Variants in OR5C1 observed in about 807,000 individuals in gnomAD.
OR5C1 encodes the protein olfactory receptor 5C1.
For missense variants in OR5C1, 433 were observed against 426.5 expected, an observed-to-expected ratio of 1.02 and a Z score of -0.13; for synonymous variants, 184 against 181.5, an observed-to-expected ratio of 1.01 and a Z score of -0.11.
In OR5C1 at chr9:122,789,381, G is replaced by A. The variant is rs1222266147; in HGVS notation, c.449G>A (p.Gly150Glu). 1.2e-6 allele frequency: 2 copies of A among 1,613,326 alleles called. No homozygotes were observed. The highest frequency in any genetic ancestry group is 1.7e-6 in the Non-Finnish European group (2 of 1,179,346). Residue 150 changes from glycine (G) to glutamate (E), a missense_variant, in exon 1 of 1, where the codon GGA (glycine) becomes GAA (glutamate). By Grantham distance (98) the Gly-to-Glu change is moderately conservative (BLOSUM62 -2). Transcript: ENST00000373680. ...CAGCGTCTATGCCTGGCCTTGCTGGGAGCATCAGGCCTGGGTGGGGCAGTG... is the reference window on the plus strand; with the variant it reads ...CAGCGTCTATGCCTGGCCTTGCTGGAAGCATCAGGCCTGGGTGGGGCAGTG... ...MSQRLCLALL[G>E]ASGLGGAVSA... is the part of the protein sequence containing the mutation.
At position 122,789,369 on chromosome 9, in the gene OR5C1, T is replaced by C. The variant is rs763329490; in HGVS notation, c.437T>C (p.Leu146Pro). ...YTTAMSQRLC[L>P]ALLGASGLGG... ...ACAGCTATGTCGCAGCGTCTATGCC[T>C]GGCCTTGCTGGGAGCATCAGGCCTG... is the stretch of plus-strand genomic sequence containing the variant. Residue 146 changes from leucine to proline, a missense_variant, in exon 1 of 1, where the codon CTG (leucine) becomes CCG (proline). By Grantham distance (98) the Leu-to-Pro change is moderately conservative (BLOSUM62 -3). Coordinates refer to ENST00000373680, the MANE Select transcript of OR5C1 (RefSeq NM_001001923.1). 1 of 1,613,372 alleles carries C rather than the reference T, an allele frequency of 6.2e-7. No individual in the cohort carries two copies. The highest frequency in any genetic ancestry group is 8.5e-7 in the Non-Finnish European group (1 of 1,179,384).
At position 122,789,322 on chromosome 9, in the gene OR5C1, C is replaced by T. The variant is rs766603877; in HGVS notation, c.390C>T (p.Ile130=). 2.5e-6 allele frequency: 4 copies of T among 1,613,994 alleles called. No homozygotes were observed. Among genetic ancestry groups the T allele is most frequent in the African/African-American group, 1.3e-5 (1 of 74,942 alleles). Residue 130 remains isoleucine (I), a synonymous_variant, in exon 1 of 1, where the codon ATC becomes ATT. Transcript: ENST00000373680. ...AAMAYDRYVA[I]RNPLLYTTAM... is the part of the protein sequence containing the mutation. ...TGGCCTATGACCGCTACGTGGCCAT[C>T]AGAAACCCACTTCTCTATACAACAG...
Position 122,789,320 on chromosome 9 carries a change from A to G in OR5C1, c.388A>G (p.Ile130Val). Residue 130 changes from isoleucine (I) to valine (V), a missense_variant, in exon 1 of 1, where the codon ATC becomes GTC. By Grantham distance (29) the Ile-to-Val change is conservative (BLOSUM62 3). Transcript: ENST00000373680. ...CATGGCCTATGACCGCTACGTGGCC[A>G]TCAGAAACCCACTTCTCTATACAAC... The part of the protein sequence containing the change: ...AAMAYDRYVA[I>V]RNPLLYTTAM... The G allele has an allele frequency of 6.2e-7, 1 of 1,614,134 alleles. No individual in the cohort carries two copies. The highest frequency in any genetic ancestry group is 8.5e-7 in the Non-Finnish European group (1 of 1,179,954).
Position 122,789,689 on chromosome 9 carries a change from G to A in OR5C1, c.757G>A (p.Ala253Thr). Residue 253 changes from alanine (A) to threonine (T), a missense_variant, in exon 1 of 1, where the codon GCC (alanine) becomes ACC (threonine). Physicochemically the swap from Ala to Thr is moderately conservative, Grantham distance 58. Transcript: ENST00000373680. ...CGGTGGTTCCCACCTCACAGCCGTG[G>A]CCATGATGTACGGGACACTCATTTT... ...STGGSHLTAV[A>T]MMYGTLIFMY... 1 of 1,606,270 alleles carries A rather than the reference G, an allele frequency of 6.2e-7. No individual in the cohort carries two copies.
At position 122,789,341 on chromosome 9, in the gene OR5C1, A is replaced by G. The variant is rs1427961004; in HGVS notation, c.409A>G (p.Thr137Ala). Residue 137 changes from threonine to alanine, a missense_variant, in exon 1 of 1, where the codon ACA becomes GCA. Coordinates refer to ENST00000373680, the MANE Select transcript of OR5C1 (RefSeq NM_001001923.1). ...YVAIRNPLLY[T>A]TAMSQRLCLA... ...GGCCATCAGAAACCCACTTCTCTATACAACAGCTATGTCGCAGCGTCTATG... is the reference window on the plus strand; with the variant it reads ...GGCCATCAGAAACCCACTTCTCTATGCAACAGCTATGTCGCAGCGTCTATG... The G allele has an allele frequency of 6.2e-7, 1 of 1,614,092 alleles. No homozygotes were observed. Among genetic ancestry groups the G allele is most frequent in the South Asian group, 1.1e-5 (1 of 91,080 alleles).
rs779093901 is a variant in OR5C1 at position 122,788,986 on chromosome 9, C to A, written c.54C>A (p.Leu18=). 6.2e-7 allele frequency: 1 copy of A among 1,608,670 alleles called. No homozygotes were observed. Among genetic ancestry groups the A allele is most frequent in the Non-Finnish European group, 8.5e-7 (1 of 1,177,188 alleles). Residue 18 remains leucine, a synonymous_variant, in exon 1 of 1, where the codon CTC becomes CTA. Transcript: ENST00000373680. ...CGGTTGCCCCTGCTGAATTCGTCCT[C>A]CTGGGCATCACAAATCGCTGGGACC... ...RAAVAPAEFV[L]LGITNRWDLR...
rs190265528 is a variant in OR5C1 at position 122,789,119 on chromosome 9, A to G, written c.187A>G (p.Met63Val). The G allele has an allele frequency of 1.7e-5, 27 of 1,613,484 alleles. No homozygotes were observed. In the East Asian group the frequency reaches 5.3e-4, roughly 32 times the overall value. The change falls in exon 1 of 1, where the codon ATG becomes GTG. Residue 63 changes from methionine (M) to valine (V), a missense_variant. Transcript: ENST00000373680. ...CATGGATGCCCGGCTCCACACACCTATGTACTTCTTCCTGGCCAACCTCTC... is the reference window on the plus strand; with the variant it reads ...CATGGATGCCCGGCTCCACACACCTGTGTACTTCTTCCTGGCCAACCTCTC... ...IRMDARLHTP[M>V]YFFLANLSLL...
At position 122,789,637 on chromosome 9, in the gene OR5C1, C is replaced by G. The variant is rs374636365; in HGVS notation, c.705C>G (p.Val235=). The change falls in exon 1 of 1, where the codon GTC becomes GTG. Residue 235 remains valine, a synonymous_variant. Coordinates refer to ENST00000373680, the MANE Select transcript of OR5C1 (RefSeq NM_001001923.1). ...GGGCTGTGATCCACATGCGCTCGGT[C>G]GAGGGCAGTCGGCGAGCAGCCTCCA... The part of the protein sequence containing the change: ...IAGAVIHMRS[V]EGSRRAASTG... 10 of 1,612,050 alleles carry G rather than the reference C, an allele frequency of 6.2e-6. No individual in the cohort carries two copies. In the Admixed American group the frequency reaches 1.3e-4, roughly 22 times the overall value.
chr9:122,788,961 C>A lies in OR5C1; in HGVS notation c.29C>A (p.Ala10Glu), dbSNP rs200687612. The A allele has an allele frequency of 6.3e-7, 1 of 1,590,978 alleles. No individual in the cohort carries two copies. MNSENLTRA[A>E]VAPAEFVLLG... ...AACTCAGAGAACCTCACCCGGGCCG[C>A]GGTTGCCCCTGCTGAATTCGTCCTC... Residue 10 changes from alanine to glutamate, a missense_variant, in exon 1 of 1, where the codon GCG becomes GAG. Coordinates refer to ENST00000373680, the MANE Select transcript of OR5C1 (RefSeq NM_001001923.1).
In OR5C1 at chr9:122,789,487, C is replaced by T. The variant is rs771398304; in HGVS notation, c.555C>T (p.Ile185=). The change falls in exon 1 of 1, where the codon ATC becomes ATT. Residue 185 remains isoleucine (I), a synonymous_variant. Transcript: ENST00000373680. ...SRKINSFFCD[I]PPLLAISCSD... ...AGATCAATAGCTTCTTCTGCGATAT[C>T]CCTCCACTGCTGGCCATCTCGTGCA... 1 of 1,614,234 alleles carries T rather than the reference C, an allele frequency of 6.2e-7. No individual in the cohort carries two copies. Among genetic ancestry groups the T allele is most frequent in the South Asian group, 1.1e-5 (1 of 91,092 alleles).
At position 122,789,286 on chromosome 9, in the gene OR5C1, G is replaced by C. The variant is rs1829229630; in HGVS notation, c.354G>C (p.Leu118Phe). 1.2e-6 allele frequency: 2 copies of C among 1,613,978 alleles called. No homozygotes were observed. Among genetic ancestry groups the C allele is most frequent in the Non-Finnish European group, 8.5e-7 (1 of 1,179,882 alleles). ...GTCTGGCTGATACTGAGTGTTGCTT[G>C]CTGGCAGCCATGGCCTATGACCGCT... The part of the protein sequence containing the change: ...FAGLADTECC[L>F]LAAMAYDRYV... Residue 118 changes from leucine to phenylalanine, a missense_variant, in exon 1 of 1, where the codon TTG (leucine) becomes TTC (phenylalanine). Leu to Phe is a conservative substitution (Grantham distance 22). Coordinates refer to ENST00000373680, the MANE Select transcript of OR5C1 (RefSeq NM_001001923.1).
At position 122,789,665 on chromosome 9, in the gene OR5C1, G is replaced by C; in HGVS notation, c.733G>C (p.Gly245Arg). The C allele has an allele frequency of 6.2e-7, 1 of 1,608,814 alleles. No individual in the cohort carries two copies. Among genetic ancestry groups the C allele is most frequent in the Non-Finnish European group, 8.5e-7 (1 of 1,176,828 alleles). Reference sequence around the variant, plus strand: ...GGGCAGTCGGCGAGCAGCCTCCACCGGTGGTTCCCACCTCACAGCCGTGGC... The same window carrying C: ...GGGCAGTCGGCGAGCAGCCTCCACCCGTGGTTCCCACCTCACAGCCGTGGC... Reference protein sequence around the residue: ...VEGSRRAASTGGSHLTAVAMM... With the variant: ...VEGSRRAASTRGSHLTAVAMM... The change falls in exon 1 of 1, where the codon GGT (glycine) becomes CGT (arginine). Residue 245 changes from glycine to arginine, a missense_variant. Gly to Arg is a moderately radical substitution (Grantham distance 125). Coordinates refer to ENST00000373680, the MANE Select transcript of OR5C1 (RefSeq NM_001001923.1).
chr9:122,789,426 C>A lies in OR5C1; in HGVS notation c.494C>A (p.Thr165Asn). 6.2e-7 allele frequency: 1 copy of A among 1,613,214 alleles called. No homozygotes were observed. Among genetic ancestry groups the A allele is most frequent in the Non-Finnish European group, 8.5e-7 (1 of 1,179,506 alleles). The change falls in exon 1 of 1, where the codon ACC (threonine) becomes AAC (asparagine). Residue 165 changes from threonine (T) to asparagine (N), a missense_variant. Physicochemically the swap from Thr to Asn is moderately conservative, Grantham distance 65 (BLOSUM62 0). Coordinates refer to ENST00000373680, the MANE Select transcript of OR5C1 (RefSeq NM_001001923.1). ...GGAVSAFVHT[T>N]LTFRLSFCRS... ...GCAGTGAGTGCCTTTGTTCACACAA[C>A]CCTCACCTTCCGCCTGAGCTTCTGC...
In OR5C1 at chr9:122,789,491, C is replaced by T. The variant is rs1829232891; in HGVS notation, c.559C>T (p.Pro187Ser). The T allele has an allele frequency of 6.2e-7, 1 of 1,614,124 alleles. No individual in the cohort carries two copies. Among genetic ancestry groups the T allele is most frequent in the Non-Finnish European group, 8.5e-7 (1 of 1,180,038 alleles). Residue 187 changes from proline to serine, a missense_variant, in exon 1 of 1, where the codon CCA becomes TCA. Transcript: ENST00000373680. ...KINSFFCDIP[P>S]LLAISCSDTS... Reference sequence around the variant, plus strand: ...CAATAGCTTCTTCTGCGATATCCCTCCACTGCTGGCCATCTCGTGCAGTGA... The same window carrying T: ...CAATAGCTTCTTCTGCGATATCCCTTCACTGCTGGCCATCTCGTGCAGTGA...
Position 122,789,570 on chromosome 9 carries a change from C to CCACGGAGTTAGCTAT in OR5C1, c.643_644insAGTTAGCTATCACGG (p.Thr214_Val215insGluLeuAlaIleThr). The CCACGGAGTTAGCTAT allele has an allele frequency of 1.2e-6, 2 of 1,613,968 alleles. No individual in the cohort carries two copies. Among genetic ancestry groups the CCACGGAGTTAGCTAT allele is most frequent in the Non-Finnish European group, 1.7e-6 (2 of 1,179,882 alleles). ...GCCATCTGTGGCTTCATCCAGACAG[C>CCACGGAGTTAGCTAT]CACGGTGTTAGCTATCACGGTGTCT... On this transcript the variant is annotated inframe_insertion, in exon 1 of 1. Coordinates refer to ENST00000373680, the MANE Select transcript of OR5C1 (RefSeq NM_001001923.1).
chr9:122,789,279 G>A lies in OR5C1; in HGVS notation c.347G>A (p.Cys116Tyr). 1 of 1,613,960 alleles carries A rather than the reference G, an allele frequency of 6.2e-7. No homozygotes were observed. The highest frequency in any genetic ancestry group is 2.2e-5 in the East Asian group (1 of 44,876). ...FVFAGLADTECCLLAAMAYDR... is the reference protein window; with the variant it reads ...FVFAGLADTEYCLLAAMAYDR... ...TTTGCAGGTCTGGCTGATACTGAGTGTTGCTTGCTGGCAGCCATGGCCTAT... is the reference window on the plus strand; with the variant it reads ...TTTGCAGGTCTGGCTGATACTGAGTATTGCTTGCTGGCAGCCATGGCCTAT... Residue 116 changes from cysteine (C) to tyrosine (Y), a missense_variant, in exon 1 of 1, where the codon TGT becomes TAT. Cys to Tyr is a radical substitution (Grantham distance 194, BLOSUM62 -2). Transcript: ENST00000373680.
chr9:122,789,041 C>A lies in OR5C1; in HGVS notation c.109C>A (p.Pro37Thr), dbSNP rs561752012. 1.9e-6 allele frequency: 3 copies of A among 1,614,090 alleles called. No homozygotes were observed. In the South Asian group the frequency reaches 3.3e-5, roughly 18 times the overall value. The change falls in exon 1 of 1, where the codon CCT becomes ACT. Residue 37 changes from proline to threonine, a missense_variant. Coordinates refer to ENST00000373680, the MANE Select transcript of OR5C1 (RefSeq NM_001001923.1). ...LRVALFLTCL[P>T]VYLVSLLGNM... is the part of the protein sequence containing the mutation. ...TGTGGCCCTCTTCCTGACCTGCCTG[C>A]CTGTCTACCTGGTGAGCCTGCTGGG...
chr9:122,789,041 CCTGT>C lies in OR5C1; in HGVS notation c.112_115del (p.Val38ThrfsTer3). On this transcript the variant is annotated frameshift_variant, in exon 1 of 1. Transcript: ENST00000373680. LOFTEE classifies it low-confidence loss of function (END_TRUNC). ...TGTGGCCCTCTTCCTGACCTGCCTGCCTGTCTACCTGGTGAGCCTGCTGGGAAAC... is the reference window on the plus strand; with the variant it reads ...TGTGGCCCTCTTCCTGACCTGCCTGCCTACCTGGTGAGCCTGCTGGGAAAC... 2 of 1,614,090 alleles carry C rather than the reference CCTGT, an allele frequency of 1.2e-6. No individual in the cohort carries two copies. The highest frequency in any genetic ancestry group is 1.7e-6 in the Non-Finnish European group (2 of 1,179,980).
Position 122,789,733 on chromosome 9 carries a change from C to T in OR5C1, c.801C>T (p.Ser267=), listed in dbSNP as rs201912640. 38 of 1,609,058 alleles carry T rather than the reference C, an allele frequency of 2.4e-5. No individual in the cohort carries two copies. The highest frequency in any genetic ancestry group is 1.8e-4 in the East Asian group (8 of 44,880). ...GTLIFMYLRP[S]SSYALDTDKM... is the part of the protein sequence containing the mutation. ...TCATTTTCATGTACCTGCGCCCCAG[C>T]TCCAGCTATGCCCTGGACACTGACA... The change falls in exon 1 of 1, where the codon AGC becomes AGT. Residue 267 remains serine (S), a synonymous_variant. Transcript: ENST00000373680.
Sources: gnomAD v4.1 joint callset for allele counts on GRCh38, gnomAD v4.1.1 for gene constraint, MANE v1.5 for transcripts, NCBI Gene and HGNC (gene_info 2026-07-23, HGNC 2026-07-21) for gene names.